SMCP: variants seen among roughly 807,000 people sequenced by gnomAD.
The protein encoded by SMCP is sperm mitochondrial-associated cysteine-rich protein.
For missense variants in SMCP, 137 were observed against 137.1 expected (o/e 1.00, Z 0.01); for synonymous variants, 41 against 46.9 (o/e 0.87, Z 0.51).
chr1:152,882,659 GCACA>G (rs143397836), intron 1 of SMCP, among the ~76,000 whole-genome samples: 24 of 150,064 alleles, frequency 1.6e-4, no homozygotes, highest in South Asian at 1.3e-3. Flanking sequence ...GCACTTAGGT[GCACA>G]CACACACACA....
chr1:152,884,875 G>A lies in SMCP; in HGVS notation c.*102G>A. 1 of 1,073,558 alleles carries A rather than the reference G, an allele frequency of 9.3e-7. No homozygotes were observed. Among genetic ancestry groups the A allele is most frequent in the Non-Finnish European group, 1.3e-6 (1 of 743,216 alleles). The allele number at this position is 1,073,558 out of a possible 1,614,324, so 66.5% of individuals were successfully genotyped here. On this transcript the variant is annotated 3_prime_UTR_variant, in exon 2 of 2. Coordinates refer to ENST00000368765, the MANE Select transcript of SMCP (RefSeq NM_030663.3). ...TCAGGCTAGACCTGTGTTTAGAGAA[G>A]CAGTTTTCACAGTGACTACCATTTC...
chr1:152,880,127 G>GA (rs922839098), intron 1 of SMCP, among the ~76,000 whole-genome samples: 21 of 150,274 alleles, frequency 1.4e-4, no homozygotes, highest in South Asian at 4.2e-4. Context: ...AGGCAGAGAG[G>GA]AAAAAAAAAT....
intron 1 of SMCP, among the ~76,000 whole-genome samples, chr1:152,883,897 G>C (rs1273278709): frequency 1.3e-5 from 2 of 152,202 alleles, no homozygotes; most frequent in Non-Finnish European, 2.9e-5. Context: ...CTGGGTCCAT[G>C]GGTGCCACAT....
chr1:152,882,905 G>A (rs1200485151), intron 1 of SMCP, among the ~76,000 whole-genome samples: 4 of 152,200 alleles, frequency 2.6e-5, no homozygotes, highest in African/African-American at 9.6e-5. Context: ...TTTGCTGGGC[G>A]TGGTGGTAGG....
chr1:152,884,834 G>T lies in SMCP; in HGVS notation c.*61G>T, dbSNP rs1649169063. The stretch of plus-strand genomic sequence containing the variant: ...GGCCATGCCTTTCACTTTGTAGGGT[G>T]GGGGATTACTGAGAGTCAGGCTAGA... On this transcript the variant is annotated 3_prime_UTR_variant, in exon 2 of 2. Transcript: ENST00000368765. 1 of 1,454,474 alleles carries T rather than the reference G, an allele frequency of 6.9e-7. No homozygotes were observed. The highest frequency in any genetic ancestry group is 1.4e-5 in the African/African-American group (1 of 70,890). 90.1% of individuals were successfully genotyped at this position (1,454,474 alleles called of 1,614,324 possible).
intron 1 of SMCP, among the ~76,000 whole-genome samples, chr1:152,883,892 T>A (rs1473434017): frequency 6.6e-6 from 1 of 152,162 alleles, no homozygotes; most frequent in Non-Finnish European, 1.5e-5. Flanking sequence ...TGCACCTGGG[T>A]CCATGGGTGC....
chr1:152,884,358 G>A (rs768904316), intron 1 of SMCP, 45 bp from the exon 2 acceptor site: 2 of 1,487,112 alleles, frequency 1.3e-6, no homozygotes, highest in Non-Finnish European at 1.8e-6. Flanking sequence ...ATGAAAGCAG[G>A]CACCCAGATT....
chr1:152,881,853 G>C (rs1649064920), intron 1 of SMCP, among the ~76,000 whole-genome samples: 1 of 152,238 alleles, frequency 6.6e-6, no homozygotes, highest in Non-Finnish European at 1.5e-5. Context: ...TGGTGGGAGA[G>C]AGAAGTAAGA....
rs57985251 is a variant in SMCP, at chr1:152,881,953, A to ATTATT, written c.-20-2431_-20-2427dup. 0.037 allele frequency among the ~76,000 whole-genome samples: 5,573 copies of ATTATT among 152,026 alleles called. 905 individuals are homozygous for ATTATT. The East Asian group carries it at 0.51, about 14-fold the overall frequency. On this transcript the variant is annotated intron_variant, in intron 1 of 1. Coordinates refer to ENST00000368765, the MANE Select transcript of SMCP (RefSeq NM_030663.3). ...CCATATCATGGGGTAACCCCCAGAA[A>ATTATT]TTATTTTATTTTATTTTATTTTACT...
chr1:152,881,694 C>CA (rs767042818), intron 1 of SMCP, among the ~76,000 whole-genome samples: 4,283 of 69,680 alleles, frequency 0.061, 280 homozygotes, highest in African/African-American at 0.15. Context: ...GACTCCGTCT[C>CA]AAAAAAAAAA....
chr1:152,881,276 G>A (rs1649033997), intron 1 of SMCP, among the ~76,000 whole-genome samples: 1 of 152,116 alleles, frequency 6.6e-6, no homozygotes, highest in African/African-American at 2.4e-5. Flanking sequence ...AGCAAAGTAG[G>A]TCATCTAACA....
chr1:152,879,747 C>G (rs942909158), intron 1 of SMCP, among the ~76,000 whole-genome samples: 1 of 152,216 alleles, frequency 6.6e-6, no homozygotes, highest in Admixed American at 6.5e-5. Flanking sequence ...GTCAACAAGA[C>G]TGGTTTCCAA....
Position 152,884,394 on chromosome 1 carries a change from T to A in SMCP, c.-20-9T>A, listed in dbSNP as rs1271698858. 5 of 1,608,144 alleles carry A rather than the reference T, an allele frequency of 3.1e-6. No homozygotes were observed. Among genetic ancestry groups the A allele is most frequent in the Non-Finnish European group, 4.3e-6 (5 of 1,176,016 alleles). Reference sequence around the variant, plus strand: ...TCCTTCTGATGAGAATATTATTTTCTTTTTCTAGTACCTCCAAGTGTTCAG... The same window carrying A: ...TCCTTCTGATGAGAATATTATTTTCATTTTCTAGTACCTCCAAGTGTTCAG... On this transcript the variant is annotated splice_polypyrimidine_tract_variant and intron_variant, in intron 1 of 1. Coordinates refer to ENST00000368765, the MANE Select transcript of SMCP (RefSeq NM_030663.3).
intron 1 of SMCP, among the ~76,000 whole-genome samples, chr1:152,878,895 A>T (rs1287208620): frequency 6.6e-6 from 1 of 152,180 alleles, no homozygotes; most frequent in African/African-American, 2.4e-5. Flanking sequence ...TAAGCTGGGA[A>T]AGAGCACATT....
At chr1:152,880,566 G>C (rs1649002114) in intron 1 of SMCP, among the ~76,000 whole-genome samples, 1 of 152,108 alleles carries the variant, frequency 6.6e-6, no homozygotes, top group Non-Finnish European at 1.5e-5. Context: ...CGCAGGGCCT[G>C]TATCTGCCAC....
intron 1 of SMCP, among the ~76,000 whole-genome samples, chr1:152,881,699 A>G (rs1403259110): frequency 6.6e-6 from 1 of 151,348 alleles, no homozygotes; most frequent in Non-Finnish European, 1.5e-5. Flanking sequence ...CGTCTCAAAA[A>G]AAAAAAAAAA....
chr1:152,884,993 T>C lies in SMCP; in HGVS notation c.*220T>C. On this transcript the variant is annotated 3_prime_UTR_variant, in exon 2 of 2. Transcript: ENST00000368765. ...GGAGGATGAAGAGGCTAGAATCATC[T>C]TTCCTAGTGATCCTGACATTTAGAC... The C allele has an allele frequency of 8.6e-6, 5 of 578,876 alleles. No individual in the cohort carries two copies. The highest frequency in any genetic ancestry group is 1.2e-5 in the Non-Finnish European group (4 of 320,050). The allele number at this position is 578,876 out of a possible 1,614,324, so 35.9% of individuals were successfully genotyped here.
chr1:152,879,370 G>A (rs1383463035), intron 1 of SMCP, among the ~76,000 whole-genome samples: 2 of 152,034 alleles, frequency 1.3e-5, no homozygotes, highest in Non-Finnish European at 1.5e-5. Context: ...ACAGGTGCAC[G>A]CCACCACACC....
chr1:152,880,791 T>G (rs1435690470), intron 1 of SMCP, among the ~76,000 whole-genome samples: 1 of 151,988 alleles, frequency 6.6e-6, no homozygotes, highest in African/African-American at 2.4e-5. Flanking sequence ...CTCCCCTTTT[T>G]AGGTGGGAAC....
Sources: gnomAD v4.1 joint callset for allele counts (sites outside exome capture counted in the v4.1 genomes callset) on GRCh38, gnomAD v4.1.1 for gene constraint, MANE v1.5 for transcripts, NCBI Gene and HGNC (gene_info 2026-07-23, HGNC 2026-07-21) for gene names.